The following DNAH6 variants were observed in gnomAD, a reference collection of about 807,000 sequenced individuals.
DNAH6 encodes axonemal beta dynein heavy chain 6.
In DNAH6, 340 loss-of-function variants were observed where a neutral mutation model predicts 491.4. That is an observed-to-expected ratio of 0.69 (90% CI 0.63 to 0.76). DNAH6 has a LOEUF of 0.76. Ranked by LOEUF, DNAH6 falls within the 30% of genes least tolerant of loss-of-function variation. The pLI, the probability that DNAH6 is intolerant of heterozygous loss-of-function variation, is 0.00. For synonymous variants in DNAH6, 1,603 were observed against 1,686.1 expected (o/e 0.95, Z 1.21); for missense variants, 4,443 against 4,972.2 (o/e 0.89, Z 3.20).
intron 56 of DNAH6, 120 bp downstream of exon 56, chr2:84,710,532 T>A (rs567241639): frequency 3.9e-4 from 372 of 958,132 alleles, no homozygotes; most frequent in Middle Eastern, 9.6e-4. Flanking sequence ...TTCAAATTGG[T>A]CAAACCAGTT....
chr2:84,746,845 A>C (rs527379958), intron 63 of DNAH6, among the ~76,000 whole-genome samples: 1 of 152,314 alleles, frequency 6.6e-6, no homozygotes, highest in Non-Finnish European at 1.5e-5. Context: ...AAGCTTTTAC[A>C]TATGGTGAAA....
At chr2:84,524,022 ATCTG>A (rs200000892) in intron 2 of DNAH6, among the ~76,000 whole-genome samples, 1,669 of 152,172 alleles carry the variant, frequency 0.011, 26 homozygotes, top group African/African-American at 0.037. Flanking sequence ...TGACTTGATG[ATCTG>A]TCTAATACTG....
intron 10 of DNAH6, among the ~76,000 whole-genome samples, chr2:84,555,814 A>T (rs1679965543): frequency 6.6e-6 from 1 of 152,092 alleles, no homozygotes; most frequent in Non-Finnish European, 1.5e-5. Context: ...GCAATCTGGG[A>T]GTTCCCCTAG....
At chr2:84,558,432 A>G (rs940806181) in intron 11 of DNAH6, among the ~76,000 whole-genome samples, 2 of 152,040 alleles carry the variant, frequency 1.3e-5, no homozygotes, top group African/African-American at 2.4e-5. Context: ...TAAAAAAAAA[A>G]AAAAAAAGGC....
At position 84,815,888 on chromosome 2, in the gene DNAH6, G is replaced by A; in HGVS notation, c.12178G>A (p.Val4060Ile). The A allele has an allele frequency of 1.9e-6, 3 of 1,551,516 alleles. No homozygotes were observed. Among genetic ancestry groups the A allele is most frequent in the Non-Finnish European group, 2.6e-6 (3 of 1,146,944 alleles). The change falls in exon 76 of 77, where the codon GTT (valine) becomes ATT (isoleucine). Residue 4060 changes from valine (V) to isoleucine (I), a missense_variant. This residue lies in a region of DNAH6 where 1,463 missense variants were observed against 1,656.6 expected (regional missense o/e 0.88). Transcript: ENST00000389394. ...GCCCTCTCCTGAGGATGGTGTTCTT[G>A]TTCATGGGATGTTCATGGATGCTTC... ...ELPSPEDGVLVHGMFMDASRW... is the reference protein window; with the variant it reads ...ELPSPEDGVLIHGMFMDASRW...
At chr2:84,528,053 G>A (rs768308418) in intron 3 of DNAH6, among the ~76,000 whole-genome samples, 14 of 152,130 alleles carry the variant, frequency 9.2e-5, no homozygotes, top group Admixed American at 2.0e-4. Flanking sequence ...CTCCTCCATG[G>A]GAGGAACAGA....
chr2:84,790,971 C>A (rs1480406153), intron 68 of DNAH6, among the ~76,000 whole-genome samples: 1 of 152,144 alleles, frequency 6.6e-6, no homozygotes, highest in Non-Finnish European at 1.5e-5. Context: ...GTGGGCGAAT[C>A]ATGAGGTCAG....
intron 19 of DNAH6, among the ~76,000 whole-genome samples, chr2:84,604,851 C>G (rs1685598501): frequency 6.6e-6 from 1 of 152,144 alleles, no homozygotes; most frequent in Non-Finnish European, 1.5e-5. Context: ...ATCTTCCAAG[C>G]TACCAGAGAA....
At chr2:84,507,240 A>C in the DNAH6 span, among the ~76,000 whole-genome samples, 4 of 152,042 alleles carry the variant, frequency 2.6e-5, no homozygotes, top group South Asian at 2.1e-4. Context: ...CTTTTATTTC[A>C]TTGAGCAGTG....
chr2:84,610,894 C>G (rs986898817), intron 21 of DNAH6, among the ~76,000 whole-genome samples: 2 of 152,080 alleles, frequency 1.3e-5, no homozygotes, highest in Non-Finnish European at 2.9e-5. Flanking sequence ...ATACAGGGTA[C>G]CTGAAAGAAG....
chr2:84,697,812 G>T (rs1245265202), intron 47 of DNAH6, 85 bp downstream of exon 47: 2 of 1,413,802 alleles, frequency 1.4e-6, no homozygotes, highest in Non-Finnish European at 1.9e-6. Flanking sequence ...TTGCCTGAAG[G>T]GGTCCATGAA....
intron 31 of DNAH6, among the ~76,000 whole-genome samples, chr2:84,639,643 T>C (rs983488648): frequency 4.6e-5 from 7 of 151,974 alleles, no homozygotes; most frequent in African/African-American, 1.7e-4. Flanking sequence ...TGATCTTAAA[T>C]TCCTGACCTC....
rs1371745996 is a variant in DNAH6, at chr2:84,524,855, CCTT to C, written c.226-708_226-706del. On this transcript the variant is annotated intron_variant, in intron 2 of 76. Coordinates refer to ENST00000389394, the MANE Select transcript of DNAH6 (RefSeq NM_001370.2). ...TAGCACTATTACATAACTTAGCTCT[CCTT>C]CATCTTTGTAGCAACAGCTAGCCTT... 5.3e-5 allele frequency among the ~76,000 whole-genome samples: 8 copies of C among 152,142 alleles called. No homozygotes were observed. In the South Asian group the frequency reaches 1.7e-3, roughly 32 times the overall value.
At chr2:84,637,424 T>A (rs1688986782) in intron 31 of DNAH6, 47 bp downstream of exon 31, 5 of 1,470,636 alleles carry the variant, frequency 3.4e-6, no homozygotes, top group Non-Finnish European at 4.5e-6. Flanking sequence ...TTCTTTCTTT[T>A]ATTTACCATT....
At chr2:84,520,085 T>A (rs1002393611) in intron 2 of DNAH6, among the ~76,000 whole-genome samples, 1 of 152,068 alleles carries the variant, frequency 6.6e-6, no homozygotes, top group African/African-American at 2.4e-5. Context: ...ACAGTAAAAT[T>A]GTATTATCCT....
chr2:84,782,492 G>A (rs1473291859), intron 65 of DNAH6, among the ~76,000 whole-genome samples: 2 of 152,174 alleles, frequency 1.3e-5, no homozygotes, highest in Non-Finnish European at 2.9e-5. Flanking sequence ...GTGAAGAGCT[G>A]CTCCTTTACA....
At chr2:84,547,738 G>T in intron 7 of DNAH6, 126 bp downstream of exon 7, 1 of 1,008,554 alleles carries the variant, frequency 9.9e-7, no homozygotes, top group East Asian at 2.6e-5. Flanking sequence ...AACATTTGAT[G>T]GATATTATAA....
intron 28 of DNAH6, 57 bp downstream of exon 28, chr2:84,624,677 T>C: frequency 6.7e-7 from 1 of 1,503,032 alleles, no homozygotes; most frequent in Non-Finnish European, 8.9e-7. Flanking sequence ...CAATCAAAAG[T>C]CTTGAAAAGT....
intron 62 of DNAH6, among the ~76,000 whole-genome samples, chr2:84,734,329 A>G (rs1250994877): frequency 1.3e-5 from 2 of 151,750 alleles, no homozygotes; most frequent in Non-Finnish European, 2.9e-5. Context: ...TTTAGTAGAG[A>G]TGGGGTTTCA....
Sources: gnomAD v4.1 joint callset for allele counts (sites outside exome capture counted in the v4.1 genomes callset) on GRCh38, gnomAD v4.1.1 for gene constraint, gnomAD v4.1.1 regional missense constraint, MANE v1.5 for transcripts, NCBI Gene and HGNC (gene_info 2026-07-23, HGNC 2026-07-21) for gene names.